CAMKK1: variants seen among roughly 807,000 people sequenced by gnomAD.
CAMKK1 encodes the protein calcium/calmodulin dependent protein kinase kinase 1, also known as calcium/calmodulin-dependent protein kinase kinase 1.
A neutral mutation model predicts 63.5 loss-of-function variants in CAMKK1; 20 were observed. The observed-to-expected ratio is 0.32, with a 90% CI of 0.22 to 0.46. The LOEUF (loss-of-function observed/expected upper bound fraction) is 0.46, where lower values mean the gene tolerates loss of function less well. CAMKK1 is among the 20% of genes least tolerant of loss of function. The pLI is 1.00. For synonymous variants in CAMKK1, 253 were observed against 269.0 expected (o/e 0.94, Z 0.58); for missense variants, 588 against 658.1 (o/e 0.89, Z 1.17).
intron 10 of CAMKK1, among the ~76,000 whole-genome samples, chr17:3,875,317 G>C (rs2055096916): frequency 6.6e-6 from 1 of 152,098 alleles, no homozygotes; most frequent in South Asian, 2.1e-4. Flanking sequence ...TCGAGACAAG[G>C]TGTCGCTCAG....
intron 11 of CAMKK1, among the ~76,000 whole-genome samples, chr17:3,872,857 G>A (rs1488023127): frequency 1.3e-5 from 2 of 152,134 alleles, no homozygotes; most frequent in African/African-American, 4.8e-5. Flanking sequence ...TGCCACCCGC[G>A]GCCAGGCCAG....
rs1411164431 is a variant in CAMKK1 at position 3,879,156 on chromosome 17, CCCACG to C, written c.796+1185_796+1189del. Reference sequence around the variant, plus strand: ...GATGGGCATCTCCCCTGGTCCCCAACCCACGCCAGGACCCTAGGTGTCTAGGGGCT... The same window carrying C: ...GATGGGCATCTCCCCTGGTCCCCAACCCAGGACCCTAGGTGTCTAGGGGCT... On this transcript the variant is annotated intron_variant, in intron 9 of 15. Transcript: ENST00000348335. The surrounding 1 kb of genome is among the most constrained non-coding windows in gnomAD (Gnocchi z 4.5). 6.6e-6 allele frequency: 1 copy of C among 152,390 alleles called. No individual in the cohort carries two copies. The highest frequency in any genetic ancestry group is 1.5e-5 in the Non-Finnish European group (1 of 68,170). 9.4% of individuals were successfully genotyped at this position (152,390 alleles called of 1,614,324 possible).
rs1444345282 is a variant in CAMKK1, at chr17:3,862,502, C to T, written c.1446-219G>A. On this transcript the variant is annotated intron_variant, in intron 15 of 15. Transcript: ENST00000348335. This position sits in a 1 kb window ranked among gnomAD's most constrained non-coding sequence, Gnocchi z 4.1. ...TCTCAGCCCGCAACGCCTCCGTGGC[C>T]CCCCATTGACCAGAGATGAAGTCTA... Among the ~76,000 whole-genome samples, 2 of 152,120 alleles carry T rather than the reference C, an allele frequency of 1.3e-5. No individual in the cohort carries two copies. The highest frequency in any genetic ancestry group is 2.9e-5 in the Non-Finnish European group (2 of 68,016).
chr17:3,871,521 ATT>A (rs778144436), intron 12 of CAMKK1, among the ~76,000 whole-genome samples: 72 of 144,296 alleles, frequency 5.0e-4, no homozygotes, highest in Non-Finnish European at 7.8e-4. Flanking sequence ...CGCCCGGCTA[ATT>A]TTTTTTCTAT....
At chr17:3,871,935 C>G (rs376589543) in intron 12 of CAMKK1, among the ~76,000 whole-genome samples, 7 of 152,190 alleles carry the variant, frequency 4.6e-5, no homozygotes, top group African/African-American at 1.4e-4. Flanking sequence ...CGTGAGCCAC[C>G]GCACCCGGCC....
intron 15 of CAMKK1, among the ~76,000 whole-genome samples, chr17:3,864,805 C>T (rs992198034): frequency 6.6e-6 from 1 of 152,204 alleles, no homozygotes. Context: ...GTGCAAGCCA[C>T]CTCCAGCAGG....
At chr17:3,871,710 G>A (rs1405546174) in intron 12 of CAMKK1, among the ~76,000 whole-genome samples, 5 of 145,886 alleles carry the variant, frequency 3.4e-5, no homozygotes, top group African/African-American at 7.8e-5. Context: ...TTGCTCTGTC[G>A]CCCAGGCTCA....
At chr17:3,865,287 G>T in intron 15 of CAMKK1, 2 of 986,896 alleles carry the variant, frequency 2.0e-6, no homozygotes, top group Non-Finnish European at 2.4e-6. Flanking sequence ...GCTCACCATA[G>T]GGAGCCCTCG....
intron 12 of CAMKK1, among the ~76,000 whole-genome samples, chr17:3,871,333 GTTTTTTTTTTTTTGTTTTTTTTTT>G (rs1373583813): frequency 2.0e-4 from 22 of 111,042 alleles, no homozygotes; most frequent in South Asian, 3.1e-4. Flanking sequence ...GTTGTTTTTT[GTTTTTTTTTTTTTGTTTTTTTTTT>G]TTTTTTTTTT....
In CAMKK1 at chr17:3,883,349, C is replaced by A; in HGVS notation, c.514+80G>T. ...GTCTCCCTCTCTACCCCATTCCTAG[C>A]CAAAACTAGCTCAGGATCGAGGTCT... On this transcript the variant is annotated intron_variant, in intron 5 of 15. Transcript: ENST00000348335. This position sits in a 1 kb window ranked among gnomAD's most constrained non-coding sequence, Gnocchi z 4.7. The A allele has an allele frequency of 6.6e-7, 1 of 1,513,346 alleles. No homozygotes were observed. The highest frequency in any genetic ancestry group is 9.2e-7 in the Non-Finnish European group (1 of 1,089,304). The allele number at this position is 1,513,346 out of a possible 1,614,324, so 93.7% of individuals were successfully genotyped here.
intron 14 of CAMKK1, among the ~76,000 whole-genome samples, chr17:3,867,975 G>T (rs1597444072): frequency 7.9e-6 from 1 of 126,194 alleles, no homozygotes. Context: ...GCAGGATCTG[G>T]GGGAGATGCA....
At chr17:3,888,608 C>T (rs981086417) in intron 1 of CAMKK1, among the ~76,000 whole-genome samples, 3 of 152,196 alleles carry the variant, frequency 2.0e-5, no homozygotes, top group Admixed American at 6.5e-5. Context: ...CTAAGGAGGC[C>T]GTAAAAGTGA....
rs2054368760 is a variant in CAMKK1, at chr17:3,862,628, T to C, written c.1446-345A>G. 6.6e-6 allele frequency among the ~76,000 whole-genome samples: 1 copy of C among 152,198 alleles called. No homozygotes were observed. The highest frequency in any genetic ancestry group is 2.1e-4 in the South Asian group (1 of 4,834). On this transcript the variant is annotated intron_variant, in intron 15 of 15. Coordinates refer to ENST00000348335, the MANE Select transcript of CAMKK1 (RefSeq NM_032294.3). The surrounding 1 kb of genome is among the most constrained non-coding windows in gnomAD (Gnocchi z 4.1). ...TAATCAAGGGCCTTCTCTCTGTGTG[T>C]GTGGTTTTGTTGTTGTTTTGAGACA...
chr17:3,872,429 G>A (rs539098864), intron 12 of CAMKK1, 125 bp downstream of exon 12: 21 of 754,220 alleles, frequency 2.8e-5, no homozygotes, highest in Non-Finnish European at 4.8e-5. Context: ...TCCCTCCCAG[G>A]GAACAGCACC....
rs74885831 is a variant in CAMKK1 at position 3,891,332 on chromosome 17, C to G, written c.-44+1607G>C. ...AGCCAGTGATTCAGATATGATATGT[C>G]AAGTGGTACATATAGGAAGAAAAAT... On this transcript the variant is annotated intron_variant, in intron 1 of 15. Transcript: ENST00000348335. Among the ~76,000 whole-genome samples the G allele has an allele frequency of 1.7e-3, 256 of 152,254 alleles. 1 individual carries two copies. The highest frequency in any genetic ancestry group is 6.1e-3 in the African/African-American group (253 of 41,534).
In CAMKK1 at chr17:3,890,575, G is replaced by A. The variant is rs982806162; in HGVS notation, c.-44+2364C>T. The A allele has an allele frequency of 7.5e-5, 57 of 763,274 alleles. No homozygotes were observed. The highest frequency in any genetic ancestry group is 1.1e-4 in the Non-Finnish European group (43 of 407,396). 47.3% of individuals were successfully genotyped at this position (763,274 alleles called of 1,614,324 possible). ...GCTCGTCCTCCTCTGTCTCCATTGC[G>A]AGACGGGTACCACACCCTCCCCATT... On this transcript the variant is annotated intron_variant, in intron 1 of 15. Transcript: ENST00000348335. The surrounding 1 kb of genome is among the most constrained non-coding windows in gnomAD (Gnocchi z 6.5).
At position 3,882,622 on chromosome 17, in the gene CAMKK1, C is replaced by A; in HGVS notation, c.649-58G>T. The A allele has an allele frequency of 6.7e-7, 1 of 1,501,024 alleles. No homozygotes were observed. Among genetic ancestry groups the A allele is most frequent in the East Asian group, 2.4e-5 (1 of 41,716 alleles). 93.0% of individuals were successfully genotyped at this position (1,501,024 alleles called of 1,614,324 possible). On this transcript the variant is annotated intron_variant, in intron 6 of 15. Transcript: ENST00000348335. This position sits in a 1 kb window ranked among gnomAD's most constrained non-coding sequence, Gnocchi z 4.3. Reference sequence around the variant, plus strand: ...TTGAGGAGGCGTGGGGTTGGAGGTCCCAGGCCTCCTGGTCCTTGCCAGCCC... The same window carrying A: ...TTGAGGAGGCGTGGGGTTGGAGGTCACAGGCCTCCTGGTCCTTGCCAGCCC...
intron 1 of CAMKK1, among the ~76,000 whole-genome samples, chr17:3,891,595 G>A (rs1450476173): frequency 6.6e-6 from 1 of 152,206 alleles, no homozygotes; most frequent in Non-Finnish European, 1.5e-5. Flanking sequence ...CGTGGCTGGA[G>A]TGGAGTCTTC....
At chr17:3,872,686 G>A (rs1030684595) in intron 11 of CAMKK1, 59 bp from the exon 12 acceptor site, 23 of 1,464,602 alleles carry the variant, frequency 1.6e-5, no homozygotes, top group Non-Finnish European at 1.9e-5. Flanking sequence ...TGTGCCAGGG[G>A]ATCAACCCCC....
Sources: allele counts gnomAD v4.1 joint callset (sites outside exome capture counted in the v4.1 genomes callset), GRCh38; gene constraint gnomAD v4.1.1; non-coding constraint Gnocchi (gnomAD v3.1); transcripts MANE v1.5; gene names NCBI Gene and HGNC (gene_info 2026-07-23, HGNC 2026-07-21).